Variants in SYTL5 observed in about 807,000 individuals in gnomAD.
The protein encoded by SYTL5 is synaptotagmin-like protein 5.
A neutral mutation model predicts 55.9 loss-of-function variants in SYTL5; 34 were observed. The observed-to-expected ratio is 0.61, with a 90% CI of 0.46 to 0.81. The LOEUF is 0.81. Ranked by LOEUF, SYTL5 falls within the 30% of genes least tolerant of loss-of-function variation. SYTL5 has a pLI of 0.00. For synonymous variants in SYTL5, 221 were observed against 188.7 expected (o/e 1.17, Z -1.40); for missense variants, 637 against 546.7 (o/e 1.17, Z -1.65).
intron 3 of SYTL5, among the ~76,000 whole-genome samples, chrX:38,057,976 G>T (rs1435366984): frequency 9.1e-6 from 1 of 110,366 alleles, no homozygotes; most frequent in Non-Finnish European, 1.9e-5. Flanking sequence ...TTTTTTCCTG[G>T]ATTACTAGAG....
chrX:38,101,893 T>C (rs1602397513), intron 9 of SYTL5, among the ~76,000 whole-genome samples: 1 of 109,431 alleles, frequency 9.1e-6, no homozygotes, highest in African/African-American at 3.3e-5. Flanking sequence ...GAATCTGGGA[T>C]TGGAGATGAG....
intron 3 of SYTL5, among the ~76,000 whole-genome samples, chrX:38,066,015 G>A (rs1233773881): frequency 4.5e-5 from 5 of 110,769 alleles, no homozygotes; most frequent in South Asian, 3.9e-4. Flanking sequence ...CGGGAGAATC[G>A]CTTGAACCTA....
At chrX:38,029,642 T>G (rs1322623493) in intron 1 of SYTL5, among the ~76,000 whole-genome samples, 1 of 111,961 alleles carries the variant, frequency 8.9e-6, no homozygotes, top group African/African-American at 3.2e-5. Flanking sequence ...ACAAGCAGTT[T>G]ATGACCTTAA....
intron 2 of SYTL5, among the ~76,000 whole-genome samples, chrX:38,049,882 A>G (rs750757910): frequency 3.8e-4 from 43 of 112,236 alleles, no homozygotes; most frequent in Non-Finnish European, 6.4e-4. Context: ...TGCTGTTTTT[A>G]CAGAAGTATT....
At chrX:38,090,045 T>C (rs1170168353) in intron 7 of SYTL5, among the ~76,000 whole-genome samples, 1 of 112,243 alleles carries the variant, frequency 8.9e-6, no homozygotes, top group African/African-American at 3.2e-5. Context: ...TCATCAGGAC[T>C]GAACCTCCTG....
chrX:38,126,529 T>G (rs1937649668), intron 16 of SYTL5, 59 bp from the exon 17 acceptor site: 1 of 1,174,497 alleles, frequency 8.5e-7, no homozygotes, highest in Non-Finnish European at 1.2e-6. Context: ...GATAGATACC[T>G]TGCAGGAGAG....
chrX:37,933,225 T>C, the SYTL5 span, among the ~76,000 whole-genome samples: 1 of 111,847 alleles, frequency 8.9e-6, no homozygotes, highest in African/African-American at 3.3e-5. Flanking sequence ...AGAATCAACA[T>C]TTTCAGAACT....
At chrX:37,932,414 A>G in the SYTL5 span, among the ~76,000 whole-genome samples, 8,939 of 112,000 alleles carry the variant, frequency 0.08, 459 homozygotes, top group African/African-American at 0.18. Context: ...CAAAAACCCC[A>G]TGATGAGTCA....
Position 38,097,329 on chromosome X carries a change from A to G in SYTL5, c.1062+1095A>G, listed in dbSNP as rs1379001737. On this transcript the variant is annotated intron_variant, in intron 9 of 16. Coordinates refer to ENST00000297875, the MANE Select transcript of SYTL5 (RefSeq NM_138780.3). ...AAGATACTAAAGGATCTACAAAAAT[A>G]TGACTAGAACTGATAAACAAGTTCA... is the stretch of plus-strand genomic sequence containing the variant. Among the ~76,000 whole-genome samples, 5 of 110,742 alleles carry G rather than the reference A, an allele frequency of 4.5e-5. No homozygotes were observed. The East Asian group carries it at 1.1e-3, about 25-fold the overall frequency.
At chrX:37,889,531 T>A in the SYTL5 span, among the ~76,000 whole-genome samples, 2,559 of 111,634 alleles carry the variant, frequency 0.023, 98 homozygotes, top group African/African-American at 0.079. Flanking sequence ...TTTAATGTTT[T>A]TACAATAAGG....
In SYTL5 at chrX:38,089,526, C is replaced by T; in HGVS notation, c.770C>T (p.Thr257Ile). The T allele has an allele frequency of 1.7e-6, 2 of 1,210,706 alleles. No individual in the cohort carries two copies. Among genetic ancestry groups the T allele is most frequent in the Non-Finnish European group, 2.2e-6 (2 of 895,030 alleles). The change falls in exon 7 of 17, where the codon ACC (threonine) becomes ATC (isoleucine). Residue 257 changes from threonine to isoleucine, a missense_variant. Thr to Ile is a moderately conservative substitution (Grantham distance 89). Coordinates refer to ENST00000297875, the MANE Select transcript of SYTL5 (RefSeq NM_138780.3). ...AAGAGCAGTCGGAGCAATGGTGTGA[C>T]CCCAGGCACTCAGAGTTCACCAGCC... ...TPKSSRSNGV[T>I]PGTQSSPAPS... is the part of the protein sequence containing the mutation.
At position 38,126,836 on chromosome X, in the gene SYTL5, T is replaced by A; in HGVS notation, c.*106T>A. ...TTCTGCTTCCCTGCCATTTCTCACC[T>A]GACAGTGTTGGGACATGAGGGGAGA... On this transcript the variant is annotated 3_prime_UTR_variant, in exon 17 of 17. Coordinates refer to ENST00000297875, the MANE Select transcript of SYTL5 (RefSeq NM_138780.3). 1 of 862,629 alleles carries A rather than the reference T, an allele frequency of 1.2e-6. No individual in the cohort carries two copies. Among genetic ancestry groups the A allele is most frequent in the Non-Finnish European group, 1.6e-6 (1 of 622,370 alleles). 71.1% of individuals were successfully genotyped at this position (862,629 alleles called of 1,213,427 possible).
At chrX:37,895,745 G>T in the SYTL5 span, among the ~76,000 whole-genome samples, 1 of 110,000 alleles carries the variant, frequency 9.1e-6, no homozygotes, top group Non-Finnish European at 1.9e-5. Context: ...TCTCTCGGAG[G>T]TGGTTAAGTA....
intron 9 of SYTL5, among the ~76,000 whole-genome samples, chrX:38,100,277 TTCTC>T (rs2147573152): frequency 9.0e-6 from 1 of 111,212 alleles, no homozygotes; most frequent in South Asian, 3.8e-4. Context: ...CTACAATAAG[TTCTC>T]ATTTAACATC....
chrX:37,895,409 TTTCCTTCC>T, the SYTL5 span, among the ~76,000 whole-genome samples: 384 of 83,443 alleles, frequency 4.6e-3, 1 homozygote, highest in Non-Finnish European at 6.9e-3. Flanking sequence ...TAGTTTTTCT[TTTCCTTCC>T]TTCCTTCCTT....
the SYTL5 span, among the ~76,000 whole-genome samples, chrX:37,938,166 T>C: frequency 8.9e-6 from 1 of 112,363 alleles, no homozygotes; most frequent in Admixed American, 9.4e-5. Context: ...TTTTTGAATG[T>C]ACAGGTTTGG....
At chrX:37,994,960 G>A in the SYTL5 span, among the ~76,000 whole-genome samples, 5 of 111,517 alleles carry the variant, frequency 4.5e-5, no homozygotes, top group African/African-American at 1.6e-4. Context: ...AGGTGTCTGT[G>A]AGACATCAAG....
the SYTL5 span, among the ~76,000 whole-genome samples, chrX:37,995,264 A>G: frequency 9.0e-6 from 1 of 111,408 alleles, no homozygotes; most frequent in Admixed American, 9.5e-5. Flanking sequence ...TTTATTCAGG[A>G]TAACAAAGGT....
the SYTL5 span, among the ~76,000 whole-genome samples, chrX:37,995,707 G>A: frequency 2.7e-5 from 3 of 112,368 alleles, no homozygotes; most frequent in Non-Finnish European, 5.6e-5. Context: ...GTTCCTGCTA[G>A]TCCAGTGTCC....
Sources: allele counts gnomAD v4.1 joint callset (sites outside exome capture counted in the v4.1 genomes callset), GRCh38; gene constraint gnomAD v4.1.1; transcripts MANE v1.5; gene names NCBI Gene and HGNC (gene_info 2026-07-23, HGNC 2026-07-21).